GALNT11: variants seen among roughly 807,000 people sequenced by gnomAD.
GALNT11 encodes polypeptide N-acetylgalactosaminyltransferase 11.
Under a neutral mutation model 72.7 loss-of-function variants are expected in GALNT11, and 47 were observed. That is an observed-to-expected ratio of 0.65 (90% confidence interval 0.51 to 0.82). The LOEUF (loss-of-function observed/expected upper bound fraction) is 0.82. Among genes scored for constraint, GALNT11 ranks in the 40% least tolerant of loss-of-function variants. The pLI, the probability that GALNT11 is intolerant of heterozygous loss-of-function variation, is 0.00. For synonymous variants in GALNT11, 270 were observed against 286.6 expected, an observed-to-expected ratio of 0.94 and a Z score of 0.58; for missense variants, 677 against 778.4, an observed-to-expected ratio of 0.87 and a Z score of 1.55.
intron 9 of GALNT11, 27 bp downstream of exon 9, chr7:152,117,402 C>T: frequency 1.2e-6 from 2 of 1,610,010 alleles, no homozygotes; most frequent in Non-Finnish European, 1.7e-6. Flanking sequence ...TTCCAAGTGG[C>T]TTATGAAAAG....
chr7:152,105,324 T>TG lies in GALNT11; in HGVS notation c.667dup (p.Glu223GlyfsTer27). 1 of 1,613,900 alleles carries TG rather than the reference T, an allele frequency of 6.2e-7. No individual in the cohort carries two copies. Among genetic ancestry groups the TG allele is most frequent in the Non-Finnish European group, 8.5e-7 (1 of 1,179,936 alleles). On this transcript the variant is annotated frameshift_variant, in exon 5 of 12. Coordinates refer to ENST00000430044, the MANE Select transcript of GALNT11 (RefSeq NM_022087.4). LOFTEE classifies it high-confidence loss of function. ...TTAAAGTCATAAGAAATACAAAGCG[T>TG]GAGGGGTTGATTCGAGGGAGAATGA...
In GALNT11 at chr7:152,094,543, A is replaced by G. The variant is rs754427807; in HGVS notation, c.295+21A>G. 8.3e-6 allele frequency: 13 copies of G among 1,569,996 alleles called. No homozygotes were observed. Among genetic ancestry groups the G allele is most frequent in the Non-Finnish European group, 1.1e-5 (13 of 1,156,458 alleles). On this transcript the variant is annotated intron_variant, in intron 2 of 11. Coordinates refer to ENST00000430044, the MANE Select transcript of GALNT11 (RefSeq NM_022087.4). The surrounding 1 kb of genome is among the most constrained non-coding windows in gnomAD (Gnocchi z 4.3). ...ATTAGGTAAGTATATGATGTTTACC[A>G]GCATCCATATCAATGTATTTAATCA...
At chr7:152,035,983 T>G (rs2082556416) in intron 1 of GALNT11, among the ~76,000 whole-genome samples, 1 of 152,198 alleles carries the variant, frequency 6.6e-6, no homozygotes, top group South Asian at 2.1e-4. Context: ...TTGCTTCTGC[T>G]AACTTGCTGA....
intron 1 of GALNT11, among the ~76,000 whole-genome samples, chr7:152,086,286 A>G (rs757586335): frequency 6.6e-6 from 1 of 152,116 alleles, no homozygotes; most frequent in Non-Finnish European, 1.5e-5. Context: ...TGGCCTACCA[A>G]AGTTCTGGGA....
chr7:152,050,522 C>T (rs1179888469), intron 1 of GALNT11, among the ~76,000 whole-genome samples: 1 of 152,176 alleles, frequency 6.6e-6, no homozygotes, highest in Non-Finnish European at 1.5e-5. Flanking sequence ...GTTTACTCTT[C>T]CGTCTCCTTT....
intron 1 of GALNT11, among the ~76,000 whole-genome samples, chr7:152,055,582 T>C (rs1365417018): frequency 6.6e-6 from 1 of 150,960 alleles, no homozygotes; most frequent in Non-Finnish European, 1.5e-5. Flanking sequence ...TATACATATA[T>C]ATATATACAC....
intron 1 of GALNT11, among the ~76,000 whole-genome samples, chr7:152,041,789 C>G (rs1252301061): frequency 6.6e-6 from 1 of 152,180 alleles, no homozygotes; most frequent in Non-Finnish European, 1.5e-5. Context: ...TTAATGTCCC[C>G]TAGTAATTTT....
At chr7:152,100,210 T>C (rs2086750560) in intron 2 of GALNT11, among the ~76,000 whole-genome samples, 1 of 152,100 alleles carries the variant, frequency 6.6e-6, no homozygotes, top group Admixed American at 6.5e-5. Context: ...AATGGAAAAT[T>C]ATAAAAATTT....
intron 1 of GALNT11, among the ~76,000 whole-genome samples, chr7:152,028,516 C>T (rs537757070): frequency 6.6e-6 from 1 of 152,088 alleles, no homozygotes; most frequent in South Asian, 2.1e-4. Flanking sequence ...GAAAAGTTCT[C>T]CAAGTCCCCT....
intron 1 of GALNT11, among the ~76,000 whole-genome samples, chr7:152,033,457 G>A (rs2082403989): frequency 6.6e-6 from 1 of 152,096 alleles, no homozygotes; most frequent in Admixed American, 6.5e-5. Context: ...GTTTAATAAT[G>A]CCTCCAGATT....
intron 1 of GALNT11, among the ~76,000 whole-genome samples, chr7:152,030,984 T>C (rs920517612): frequency 6.6e-6 from 1 of 152,376 alleles, no homozygotes; most frequent in Non-Finnish European, 1.5e-5. Flanking sequence ...TTCCTTGTGG[T>C]ATTTAATGGG....
chr7:152,084,467 T>C (rs74622875), intron 1 of GALNT11, among the ~76,000 whole-genome samples: 422 of 152,076 alleles, frequency 2.8e-3, no homozygotes, highest in African/African-American at 9.8e-3. Context: ...AAATATTTTC[T>C]CTCACAGTGT....
intron 1 of GALNT11, among the ~76,000 whole-genome samples, chr7:152,058,615 C>T (rs1281000828): frequency 3.3e-5 from 5 of 152,114 alleles, no homozygotes; most frequent in African/African-American, 1.2e-4. Flanking sequence ...GGATTACAGG[C>T]GTGAGCCACT....
intron 1 of GALNT11, among the ~76,000 whole-genome samples, chr7:152,069,086 T>G (rs1488901697): frequency 6.6e-6 from 1 of 152,222 alleles, no homozygotes; most frequent in East Asian, 1.9e-4. Context: ...TGCTGCACGT[T>G]TTTCTCTAAA....
In GALNT11 at chr7:152,060,050, T is replaced by C. The variant is rs150706512; in HGVS notation, c.-38-34140T>C. On this transcript the variant is annotated intron_variant, in intron 1 of 11. Coordinates refer to ENST00000430044, the MANE Select transcript of GALNT11 (RefSeq NM_022087.4). ...TCATCAGTGATCTTAGCTAGATCTT[T>C]TGGATAACTTGCTGCAGCTTCTCCA... is the stretch of plus-strand genomic sequence containing the variant. 1.1e-3 allele frequency among the ~76,000 whole-genome samples: 171 copies of C among 152,348 alleles called. 2 individuals carry two copies. The highest frequency in any genetic ancestry group is 4.0e-3 in the African/African-American group (166 of 41,576).
At chr7:152,104,279 ACAG>A (rs1189541835) in intron 4 of GALNT11, 1 of 152,254 alleles carries the variant, frequency 6.6e-6, no homozygotes, top group Non-Finnish European at 1.5e-5. Flanking sequence ...TCTTTTCATG[ACAG>A]CAGGCTGCAG....
At chr7:152,055,144 C>T (rs930337476) in intron 1 of GALNT11, among the ~76,000 whole-genome samples, 1 of 152,170 alleles carries the variant, frequency 6.6e-6, no homozygotes, top group Non-Finnish European at 1.5e-5. Flanking sequence ...TTGACTAGGG[C>T]TCAGCCTAAT....
rs1587269355 is a variant in GALNT11 at position 152,088,057 on chromosome 7, C to G, written c.-38-6133C>G. The stretch of plus-strand genomic sequence containing the variant: ...CTTGTTTAAGCTAAAGATTCCTTAA[C>G]CTTATCTCTGGGAATTCCCATTTAG... On this transcript the variant is annotated intron_variant, in intron 1 of 11. Coordinates refer to ENST00000430044, the MANE Select transcript of GALNT11 (RefSeq NM_022087.4). Among the ~76,000 whole-genome samples, 2 of 152,162 alleles carry G rather than the reference C, an allele frequency of 1.3e-5. 1 individual carries two copies. The highest frequency in any genetic ancestry group is 4.1e-4 in the South Asian group (2 of 4,836).
intron 1 of GALNT11, among the ~76,000 whole-genome samples, chr7:152,086,394 A>T (rs2085652228): frequency 1.3e-5 from 2 of 152,234 alleles, no homozygotes; most frequent in South Asian, 2.1e-4. Flanking sequence ...GCTTAATTGT[A>T]TAAAAGAAAT....
Sources: gnomAD v4.1 joint callset for allele counts (sites outside exome capture counted in the v4.1 genomes callset) on GRCh38, gnomAD v4.1.1 for gene constraint, Gnocchi (gnomAD v3.1) non-coding constraint, MANE v1.5 for transcripts, NCBI Gene and HGNC (gene_info 2026-07-23, HGNC 2026-07-21) for gene names.